The following GRID2 variants were observed in gnomAD, a reference collection of about 807,000 sequenced individuals.
GRID2 encodes glutamate ionotropic receptor delta type subunit 2.
A neutral mutation model predicts 114.8 loss-of-function variants in GRID2; 33 were observed. That is an observed-to-expected ratio of 0.29 (90% CI 0.22 to 0.38). The LOEUF (loss-of-function observed/expected upper bound fraction) is 0.38, where lower values mean the gene tolerates loss of function less well. GRID2 is among the 10% of genes least tolerant of loss of function. GRID2 has a pLI of 1.00. For synonymous variants in GRID2, 505 were observed against 449.9 expected (o/e 1.12, Z -1.55); for missense variants, 1,184 against 1,257.7 (o/e 0.94, Z 0.89).
intron 4 of GRID2, among the ~76,000 whole-genome samples, chr4:93,137,281 A>G (rs1206305788): frequency 6.6e-6 from 1 of 152,192 alleles, no homozygotes; most frequent in Non-Finnish European, 1.5e-5. Context: ...TGGGGAAAAA[A>G]TTAATGCAAC....
chr4:93,031,007 A>G (rs1724369545), intron 2 of GRID2, among the ~76,000 whole-genome samples: 1 of 150,852 alleles, frequency 6.6e-6, no homozygotes, highest in African/African-American at 2.4e-5. Context: ...TCCTGCACCC[A>G]ATTGCTTTAC....
chr4:92,915,348 A>G (rs770033519), intron 2 of GRID2, among the ~76,000 whole-genome samples: 118 of 152,282 alleles, frequency 7.7e-4, no homozygotes, highest in Admixed American at 5.9e-3. Context: ...ACATTAGAAT[A>G]GGGCTTACTT....
intron 9 of GRID2, among the ~76,000 whole-genome samples, chr4:93,408,371 CT>C (rs5860330): frequency 0.44 from 64,938 of 148,490 alleles, 14,981 homozygotes; most frequent in East Asian, 0.7. Flanking sequence ...TGCTCATTTT[CT>C]TTTTTTTTTT....
At chr4:92,679,126 T>C (rs2149282757) in intron 2 of GRID2, among the ~76,000 whole-genome samples, 1 of 152,186 alleles carries the variant, frequency 6.6e-6, no homozygotes, top group East Asian at 1.9e-4. Context: ...TGTTAAACCA[T>C]GGAAGGATCT....
intron 2 of GRID2, among the ~76,000 whole-genome samples, chr4:92,667,667 A>G (rs1279430955): frequency 6.6e-6 from 1 of 151,624 alleles, no homozygotes; most frequent in Non-Finnish European, 1.5e-5. Context: ...AGTCACCCAA[A>G]CATATGAGAA....
chr4:93,008,068 G>A (rs1286197100), intron 2 of GRID2, among the ~76,000 whole-genome samples: 2 of 150,370 alleles, frequency 1.3e-5, no homozygotes, highest in African/African-American at 4.9e-5. Flanking sequence ...TGATTTTCAT[G>A]TAGGTAATAG....
At chr4:92,684,309 C>T (rs1485462095) in intron 2 of GRID2, among the ~76,000 whole-genome samples, 1 of 151,846 alleles carries the variant, frequency 6.6e-6, no homozygotes, top group Admixed American at 6.6e-5. Context: ...AGAGGTAAAA[C>T]TCACATTTGA....
chr4:92,650,998 C>A (rs546688626), intron 2 of GRID2, among the ~76,000 whole-genome samples: 1 of 151,928 alleles, frequency 6.6e-6, no homozygotes, highest in African/African-American at 2.4e-5. Flanking sequence ...CATAGTTGTA[C>A]CAGTGAATTC....
intron 14 of GRID2, among the ~76,000 whole-genome samples, chr4:93,762,839 G>GAC (rs1164439159): frequency 2.6e-5 from 4 of 151,984 alleles, no homozygotes; most frequent in Non-Finnish European, 4.4e-5. Context: ...AGAGCATATG[G>GAC]ACCTGCCTTG....
chr4:92,481,998 AT>A lies in GRID2; in HGVS notation c.89-108132del, dbSNP rs1434518437. Among the ~76,000 whole-genome samples the A allele has an allele frequency of 9.1e-4, 52 of 56,902 alleles. 2 individuals carry two copies. Among genetic ancestry groups the A allele is most frequent in the African/African-American group, 3.3e-3 (49 of 14,670 alleles). 37.3% of individuals were successfully genotyped at this position (56,902 alleles called of 152,430 possible). A position where few individuals can be genotyped will look rare whatever the true frequency, so the allele number is the denominator to read the frequency against. On this transcript the variant is annotated intron_variant, in intron 1 of 15. Transcript: ENST00000282020. ...TAAAATGTGATATATATATATATAT[AT>A]ATATATATATATATATATATATATA...
chr4:92,441,444 T>C (rs140178168), intron 1 of GRID2, among the ~76,000 whole-genome samples: 6,570 of 152,092 alleles, frequency 0.043, 146 homozygotes, highest in South Asian at 0.08. Flanking sequence ...AAAGAAAGCA[T>C]GTTTGAGATA....
At chr4:93,588,367 T>C (rs1737756136) in intron 13 of GRID2, among the ~76,000 whole-genome samples, 1 of 152,270 alleles carries the variant, frequency 6.6e-6, no homozygotes, top group Non-Finnish European at 1.5e-5. Flanking sequence ...TTCCTCTCCA[T>C]TAATTTACAT....
At chr4:92,775,939 T>C (rs989859007) in intron 2 of GRID2, among the ~76,000 whole-genome samples, 5 of 152,148 alleles carry the variant, frequency 3.3e-5, no homozygotes, top group African/African-American at 4.8e-5. Context: ...GCATACACTA[T>C]GTTTAAGAAA....
intron 1 of GRID2, among the ~76,000 whole-genome samples, chr4:92,382,516 A>G (rs1729668535): frequency 6.6e-6 from 1 of 152,046 alleles, no homozygotes; most frequent in African/African-American, 2.4e-5. Context: ...ATGTAGGTGT[A>G]TGGTGTAAAA....
At chr4:93,678,013 G>T (rs1395637826) in intron 14 of GRID2, among the ~76,000 whole-genome samples, 1 of 152,046 alleles carries the variant, frequency 6.6e-6, no homozygotes, top group Non-Finnish European at 1.5e-5. Flanking sequence ...CAAAGGCAAA[G>T]AAGTTGAAAA....
intron 8 of GRID2, among the ~76,000 whole-genome samples, chr4:93,351,645 C>G (rs894530700): frequency 6.6e-6 from 1 of 151,978 alleles, no homozygotes; most frequent in African/African-American, 2.4e-5. Context: ...AACTACAATG[C>G]TCCATGCATT....
chr4:92,514,119 T>TATGA (rs1179609597), intron 1 of GRID2, among the ~76,000 whole-genome samples: 3 of 151,934 alleles, frequency 2.0e-5, no homozygotes, highest in Non-Finnish European at 4.4e-5. Flanking sequence ...TTTACTAAAC[T>TATGA]GCTTATATGA....
At position 93,249,793 on chromosome 4, in the gene GRID2, A is replaced by G. The variant is rs974230153; in HGVS notation, c.1245+11303A>G. Among the ~76,000 whole-genome samples, 55 of 152,252 alleles carry G rather than the reference A, an allele frequency of 3.6e-4. 1 individual carries two copies. Among genetic ancestry groups the G allele is most frequent in the African/African-American group, 1.2e-3 (50 of 41,552 alleles). Reference sequence around the variant, plus strand: ...AAAAAAGCAAATCAAAACCACAACGAGATACCATCTCATGCCCGTTAGAAT... The same window carrying G: ...AAAAAAGCAAATCAAAACCACAACGGGATACCATCTCATGCCCGTTAGAAT... On this transcript the variant is annotated intron_variant, in intron 8 of 15. Transcript: ENST00000282020.
intron 1 of GRID2, among the ~76,000 whole-genome samples, chr4:92,332,573 C>T (rs1443723509): frequency 1.3e-5 from 2 of 152,146 alleles, no homozygotes; most frequent in African/African-American, 4.8e-5. Flanking sequence ...ATTCTAATAT[C>T]ACCTTAAAAA....
Sources: allele counts gnomAD v4.1 joint callset (sites outside exome capture counted in the v4.1 genomes callset), GRCh38; gene constraint gnomAD v4.1.1; transcripts MANE v1.5; gene names NCBI Gene and HGNC (gene_info 2026-07-23, HGNC 2026-07-21).